CWC25: variants seen among roughly 807,000 people sequenced by gnomAD.
CWC25 encodes the protein pre-mRNA-splicing factor CWC25 homolog.
Under a neutral mutation model 54.6 loss-of-function variants are expected in CWC25, and 31 were observed. That is an observed-to-expected ratio of 0.57 (90% CI 0.43 to 0.77). CWC25 has a LOEUF of 0.77. CWC25 is among the 30% of genes least tolerant of loss of function. CWC25 has a pLI of 0.00. For missense variants in CWC25, 453 were observed against 529.3 expected, an observed-to-expected ratio of 0.86 and a Z score of 1.41; for synonymous variants, 151 against 187.0, an observed-to-expected ratio of 0.81 and a Z score of 1.57.
At chr17:38,816,874 C>T (rs558538569) in intron 2 of CWC25, among the ~76,000 whole-genome samples, 6 of 151,196 alleles carry the variant, frequency 4.0e-5, no homozygotes, top group South Asian at 2.1e-4. Flanking sequence ...TTAGTAAAGA[C>T]GAGGTTTCAC....
chr17:38,823,469 TA>T (rs1220000846), intron 1 of CWC25, among the ~76,000 whole-genome samples: 241 of 139,502 alleles, frequency 1.7e-3, no homozygotes, highest in Admixed American at 2.0e-3. Context: ...GACTCCATCT[TA>T]AAAAAAAAAA....
At chr17:38,824,201 T>C (rs568310296) in intron 1 of CWC25, among the ~76,000 whole-genome samples, 1 of 152,336 alleles carries the variant, frequency 6.6e-6, no homozygotes, top group African/African-American at 2.4e-5. Flanking sequence ...CCCCATGCTC[T>C]TGTGGGTACA....
At position 38,815,647 on chromosome 17, in the gene CWC25, C is replaced by G. The variant is rs745658669; in HGVS notation, c.192-550G>C. On this transcript the variant is annotated intron_variant, in intron 2 of 9. Transcript: ENST00000614790. The stretch of plus-strand genomic sequence containing the variant: ...CACATAAAGCAATTTATAAGGAAAA[C>G]CAGTGTTCCTCAACATGGGGTGTGG... 3 of 1,287,498 alleles carry G rather than the reference C, an allele frequency of 2.3e-6. No individual in the cohort carries two copies. In the South Asian group the frequency reaches 3.7e-5, roughly 16 times the overall value. 79.8% of individuals were successfully genotyped at this position (1,287,498 alleles called of 1,614,324 possible).
chr17:38,820,817 A>G (rs1255832271), intron 2 of CWC25, 84 bp downstream of exon 2: 7 of 1,463,688 alleles, frequency 4.8e-6, no homozygotes, highest in Non-Finnish European at 6.4e-6. Flanking sequence ...TTAAGCACTC[A>G]GCCATTATAC....
chr17:38,814,745 C>CAAA (rs71138658), intron 3 of CWC25, 116 bp downstream of exon 3: 19,244 of 453,678 alleles, frequency 0.042, 882 homozygotes, highest in African/African-American at 0.21. Context: ...GACTCCGTCT[C>CAAA]AAAAAAAAAA....
At position 38,800,525 on chromosome 17, in the gene CWC25, A is replaced by G. The variant is rs1465636514; in HGVS notation, c.*1567T>C. 2.6e-5 allele frequency: 4 copies of G among 152,258 alleles called. No homozygotes were observed. Among genetic ancestry groups the G allele is most frequent in the Non-Finnish European group, 5.9e-5 (4 of 68,042 alleles). 9.4% of individuals were successfully genotyped at this position (152,258 alleles called of 1,614,324 possible). On this transcript the variant is annotated 3_prime_UTR_variant, in exon 10 of 10. Transcript: ENST00000614790. ...AACCCCGGCATAATGAAGTGATTAA[A>G]TGAATAAAAACGTATGTTACATTCT...
intron 2 of CWC25, among the ~76,000 whole-genome samples, chr17:38,817,122 C>T (rs1019109081): frequency 2.3e-4 from 35 of 151,260 alleles, no homozygotes; most frequent in Non-Finnish European, 4.4e-4. Flanking sequence ...AGGCTGATCA[C>T]GAGGTCAGGA....
chr17:38,822,876 C>T (rs1276814133), intron 1 of CWC25, among the ~76,000 whole-genome samples: 7 of 137,296 alleles, frequency 5.1e-5, no homozygotes, highest in Non-Finnish European at 1.1e-4. Flanking sequence ...TTTGAGATGT[C>T]GCCCAGGCTG....
Position 38,801,116 on chromosome 17 carries a change from A to G in CWC25, c.*976T>C, listed in dbSNP as rs1343492806. 6.6e-6 allele frequency: 1 copy of G among 151,902 alleles called. No individual in the cohort carries two copies. Among genetic ancestry groups the G allele is most frequent in the African/African-American group, 2.4e-5 (1 of 41,294 alleles). The allele number at this position is 151,902 out of a possible 1,614,324, so 9.4% of individuals were successfully genotyped here. A position where few individuals can be genotyped will look rare whatever the true frequency, so the allele number is the denominator to read the frequency against. ...TTGTTTTTTTTTTAGTACCTGACTGAAAGAGACTAGCAAACAACTCCTGAA... is the reference window on the plus strand; with the variant it reads ...TTGTTTTTTTTTTAGTACCTGACTGGAAGAGACTAGCAAACAACTCCTGAA... On this transcript the variant is annotated 3_prime_UTR_variant, in exon 10 of 10. Coordinates refer to ENST00000614790, the MANE Select transcript of CWC25 (RefSeq NM_017748.5).
intron 9 of CWC25, 46 bp from the exon 10 acceptor site, chr17:38,802,252 CA>C (rs1567668377): frequency 1.5e-6 from 2 of 1,315,994 alleles, no homozygotes; most frequent in South Asian, 2.4e-5. Flanking sequence ...CATTTTCAAT[CA>C]GTCAACTATT....
intron 6 of CWC25, among the ~76,000 whole-genome samples, chr17:38,808,555 C>T (rs147759161): frequency 0.011 from 1,520 of 139,982 alleles, 198 homozygotes; most frequent in African/African-American, 0.037. Flanking sequence ...CCGAGACAGG[C>T]GGATAGCTTG....
intron 6 of CWC25, among the ~76,000 whole-genome samples, chr17:38,808,115 T>C (rs1911330373): frequency 7.4e-6 from 1 of 135,094 alleles, no homozygotes; most frequent in African/African-American, 2.7e-5. Context: ...CTGGGTGCAG[T>C]GGCTCACGCC....
intron 1 of CWC25, among the ~76,000 whole-genome samples, chr17:38,823,040 G>A (rs914230682): frequency 2.6e-5 from 4 of 151,256 alleles, no homozygotes; most frequent in South Asian, 2.1e-4. Context: ...GGGTTTCACC[G>A]TGTTAGCCAT....
At chr17:38,809,662 A>T in intron 6 of CWC25, 40 bp downstream of exon 6, 1 of 1,589,234 alleles carries the variant, frequency 6.3e-7, no homozygotes, top group Non-Finnish European at 8.6e-7. Flanking sequence ...CACATCCCAC[A>T]GTCCCACAGT....
intron 2 of CWC25, among the ~76,000 whole-genome samples, chr17:38,818,389 G>A (rs957272979): frequency 6.0e-5 from 9 of 150,872 alleles, no homozygotes; most frequent in African/African-American, 1.9e-4. Flanking sequence ...GTCAAAGATC[G>A]ACACCATCCT....
chr17:38,808,718 T>C (rs530379888), intron 6 of CWC25, among the ~76,000 whole-genome samples: 1 of 150,794 alleles, frequency 6.6e-6, no homozygotes, highest in Admixed American at 6.6e-5. Context: ...GAGGCAGAGG[T>C]TGCAGTGAGC....
intron 6 of CWC25, among the ~76,000 whole-genome samples, chr17:38,807,729 T>C (rs1274927571): frequency 1.5e-5 from 2 of 130,554 alleles, no homozygotes; most frequent in African/African-American, 2.9e-5. Flanking sequence ...GCACTCCAGC[T>C]TGGATGAGAG....
chr17:38,818,267 C>G (rs1426521169), intron 2 of CWC25, among the ~76,000 whole-genome samples: 1 of 151,358 alleles, frequency 6.6e-6, no homozygotes, highest in African/African-American at 2.4e-5. Context: ...CAGAATGAGA[C>G]TCCATCTCAA....
rs546073446 is a variant in CWC25 at position 38,817,723 on chromosome 17, G to T, written c.192-2626C>A. Among the ~76,000 whole-genome samples the T allele has an allele frequency of 4.6e-5, 7 of 152,100 alleles. No homozygotes were observed. In the East Asian group the frequency reaches 1.2e-3, roughly 25 times the overall value. On this transcript the variant is annotated intron_variant, in intron 2 of 9. Transcript: ENST00000614790. ...AATCGCTTGAACTCAAGAGGCGGAG[G>T]TTACAGTGAGCCGAGATCGCACCAC...
Sources: gnomAD v4.1 joint callset for allele counts (sites outside exome capture counted in the v4.1 genomes callset) on GRCh38, gnomAD v4.1.1 for gene constraint, MANE v1.5 for transcripts, NCBI Gene and HGNC (gene_info 2026-07-23, HGNC 2026-07-21) for gene names.